Variants in PAPPA2 observed in about 807,000 individuals in gnomAD.
PAPPA2 encodes pappalysin 2, also known as pappalysin-2.
PAPPA2 carries 86 observed loss-of-function variants against 176.4 expected under a neutral mutation model. That is an observed-to-expected ratio of 0.49 (90% CI 0.41 to 0.58). The LOEUF (loss-of-function observed/expected upper bound fraction) is 0.58, where lower values mean the gene tolerates loss of function less well. Ranked by LOEUF, PAPPA2 falls within the 20% of genes least tolerant of loss-of-function variation. The probability of loss-of-function intolerance (pLI) is 0.00; values close to 1 mark genes in which losing one functional copy is unlikely to be tolerated. For missense variants in PAPPA2, 2,073 were observed against 2,256.9 expected, an observed-to-expected ratio of 0.92 and a Z score of 1.65; for synonymous variants, 809 against 852.2, an observed-to-expected ratio of 0.95 and a Z score of 0.88.
At chr1:176,635,193 AT>A (rs1656626358) in intron 3 of PAPPA2, among the ~76,000 whole-genome samples, 1 of 152,192 alleles carries the variant, frequency 6.6e-6, no homozygotes, top group South Asian at 2.1e-4. Flanking sequence ...TTAGAAAAGC[AT>A]TTTGCATGAC....
intron 14 of PAPPA2, among the ~76,000 whole-genome samples, chr1:176,741,848 CCT>C (rs984155051): frequency 6.6e-6 from 1 of 151,826 alleles, no homozygotes; most frequent in Non-Finnish European, 1.5e-5. Context: ...AGAATTATGG[CCT>C]CTCTCTCATA....
intron 3 of PAPPA2, among the ~76,000 whole-genome samples, chr1:176,661,120 TC>T (rs1189974370): frequency 6.6e-6 from 1 of 152,134 alleles, no homozygotes; most frequent in African/African-American, 2.4e-5. Context: ...TTGCAATTTC[TC>T]TTTGTCGCAT....
chr1:176,513,733 A>G (rs936380199), intron 1 of PAPPA2, among the ~76,000 whole-genome samples: 3 of 151,898 alleles, frequency 2.0e-5, no homozygotes, highest in African/African-American at 7.3e-5. Flanking sequence ...TCCCTGAAAG[A>G]CTCTAGAAGC....
intron 14 of PAPPA2, among the ~76,000 whole-genome samples, chr1:176,747,782 G>A (rs1662977464): frequency 6.6e-6 from 1 of 152,220 alleles, no homozygotes; most frequent in Non-Finnish European, 1.5e-5. Flanking sequence ...TGAGGTGTCA[G>A]TTAGGAATGT....
At position 176,789,833 on chromosome 1, in the gene PAPPA2, G is replaced by A. The variant is rs200572315; in HGVS notation, c.4740G>A (p.Leu1580=). Residue 1580 remains leucine (L), a synonymous_variant, in exon 18 of 23, where the codon CTG becomes CTA. Coordinates refer to ENST00000367662, the MANE Select transcript of PAPPA2 (RefSeq NM_020318.3). The part of the protein sequence containing the change: ...VRNKLLKIQC[L]EGGIWEQGSC... ...GCAAGCTCCTGAAGATACAATGCCTGGAAGGTGGAATCTGGGAGCAAGGCA... is the reference window on the plus strand; with the variant it reads ...GCAAGCTCCTGAAGATACAATGCCTAGAAGGTGGAATCTGGGAGCAAGGCA... 2 of 1,613,930 alleles carry A rather than the reference G, an allele frequency of 1.2e-6. No individual in the cohort carries two copies. The highest frequency in any genetic ancestry group is 1.7e-4 in the Middle Eastern group (1 of 6,060).
intron 22 of PAPPA2, among the ~76,000 whole-genome samples, chr1:176,840,630 A>T (rs1423551506): frequency 6.6e-6 from 1 of 152,142 alleles, no homozygotes; most frequent in East Asian, 1.9e-4. Context: ...GTTACTAACC[A>T]TCTCCATAAT....
chr1:176,637,072 G>A (rs1656737998), intron 3 of PAPPA2, among the ~76,000 whole-genome samples: 1 of 152,058 alleles, frequency 6.6e-6, no homozygotes, highest in Admixed American at 6.6e-5. Context: ...AATAAGACTT[G>A]GTAAGGGGAG....
intron 1 of PAPPA2, among the ~76,000 whole-genome samples, chr1:176,474,387 C>T (rs545067995): frequency 3.3e-5 from 5 of 152,294 alleles, no homozygotes; most frequent in East Asian, 1.9e-4. Context: ...ACATCCTTCC[C>T]GTCCATAGCT....
chr1:176,611,638 T>A (rs1005644178), intron 3 of PAPPA2, among the ~76,000 whole-genome samples: 1 of 152,216 alleles, frequency 6.6e-6, no homozygotes, highest in Admixed American at 6.5e-5. Context: ...CAAGTTTTGA[T>A]AAGGATATGT....
At chr1:176,581,254 C>G (rs940855086) in intron 2 of PAPPA2, among the ~76,000 whole-genome samples, 1 of 152,108 alleles carries the variant, frequency 6.6e-6, no homozygotes, top group Non-Finnish European at 1.5e-5. Context: ...GTACCTTAGT[C>G]AAAAATCAGT....
chr1:176,632,341 T>G (rs1656390849), intron 3 of PAPPA2, among the ~76,000 whole-genome samples: 1 of 151,846 alleles, frequency 6.6e-6, no homozygotes, highest in African/African-American at 2.4e-5. Flanking sequence ...GGCTACTGTA[T>G]GTAAAGAGAA....
chr1:176,504,494 T>C (rs1341675046), intron 1 of PAPPA2, among the ~76,000 whole-genome samples: 1 of 152,176 alleles, frequency 6.6e-6, no homozygotes, highest in Non-Finnish European at 1.5e-5. Context: ...TCAGTAGATA[T>C]AGATCACTTT....
chr1:176,742,504 C>T (rs2102876834), intron 14 of PAPPA2, among the ~76,000 whole-genome samples: 1 of 152,298 alleles, frequency 6.6e-6, no homozygotes, highest in African/African-American at 2.4e-5. Context: ...GGATATGATT[C>T]TCCAGTTTAC....
chr1:176,529,252 G>A (rs986997379), intron 1 of PAPPA2, among the ~76,000 whole-genome samples: 1 of 152,092 alleles, frequency 6.6e-6, no homozygotes, highest in African/African-American at 2.4e-5. Context: ...AAATAGAGGT[G>A]AGAGAGTGCA....
chr1:176,695,966 A>G lies in PAPPA2; in HGVS notation c.2746+107A>G, dbSNP rs769232098. 347 of 865,566 alleles carry G rather than the reference A, an allele frequency of 4.0e-4. No individual in the cohort carries two copies. The highest frequency in any genetic ancestry group is 1.8e-3 in the African/African-American group (101 of 55,530). 53.6% of individuals were successfully genotyped at this position (865,566 alleles called of 1,614,324 possible). A position where few individuals can be genotyped will look rare whatever the true frequency, so the allele number is the denominator to read the frequency against. On this transcript the variant is annotated intron_variant, in intron 7 of 22. Coordinates refer to ENST00000367662, the MANE Select transcript of PAPPA2 (RefSeq NM_020318.3). ...GGTGACAAAAAGGCAATGTATGTGTATGTGTGTGTGTGTGTGTGTGTGTGT... is the reference window on the plus strand; with the variant it reads ...GGTGACAAAAAGGCAATGTATGTGTGTGTGTGTGTGTGTGTGTGTGTGTGT...
At chr1:176,508,929 T>TA (rs1648455232) in intron 1 of PAPPA2, among the ~76,000 whole-genome samples, 1 of 152,068 alleles carries the variant, frequency 6.6e-6, no homozygotes, top group Non-Finnish European at 1.5e-5. Flanking sequence ...ACCTTTTTTT[T>TA]AAAAATAAAT....
chr1:176,661,707 AG>A lies in PAPPA2; in HGVS notation c.1992-9262del, dbSNP rs376328582. Among the ~76,000 whole-genome samples, 45 of 152,054 alleles carry A rather than the reference AG, an allele frequency of 3.0e-4. 1 individual carries two copies. The East Asian group carries it at 3.7e-3, about 12-fold the overall frequency. ...CAGTCACCTTTTAACTCTAACATGA[AG>A]AACACAACTGATCGTAGACTGTAAA... is the stretch of plus-strand genomic sequence containing the variant. On this transcript the variant is annotated intron_variant, in intron 3 of 22. Coordinates refer to ENST00000367662, the MANE Select transcript of PAPPA2 (RefSeq NM_020318.3).
chr1:176,708,921 G>T (rs1661010044), intron 10 of PAPPA2, among the ~76,000 whole-genome samples: 1 of 152,038 alleles, frequency 6.6e-6, no homozygotes, highest in Non-Finnish European at 1.5e-5. Flanking sequence ...TTATTTTCAT[G>T]TCCTATTTTT....
intron 2 of PAPPA2, among the ~76,000 whole-genome samples, chr1:176,589,932 G>T (rs919523326): frequency 2.6e-5 from 4 of 152,232 alleles, no homozygotes; most frequent in Middle Eastern, 3.4e-3. Context: ...TCTTGCTTTT[G>T]CTTAATGAGG....
Sources: allele counts gnomAD v4.1 joint callset (sites outside exome capture counted in the v4.1 genomes callset), GRCh38; gene constraint gnomAD v4.1.1; transcripts MANE v1.5; gene names NCBI Gene and HGNC (gene_info 2026-07-23, HGNC 2026-07-21).